The following OPCML variants were observed in gnomAD, a reference collection of about 807,000 sequenced individuals.
OPCML encodes the protein opioid-binding protein/cell adhesion molecule.
Under a neutral mutation model 37.8 loss-of-function variants are expected in OPCML, and 13 were observed. The ratio of observed to expected loss-of-function variants is 0.34; its 90% CI spans 0.22 to 0.55. The LOEUF (loss-of-function observed/expected upper bound fraction) is 0.55. Among genes scored for constraint, OPCML ranks in the 20% least tolerant of loss-of-function variants. The pLI, the probability that OPCML is intolerant of heterozygous loss-of-function variation, is 0.91. For missense variants in OPCML, 341 were observed against 435.6 expected (o/e 0.78, Z 1.93); for synonymous variants, 176 against 168.8 (o/e 1.04, Z -0.33).
chr11:132,566,432 C>T (rs1266208663), intron 3 of OPCML, among the ~76,000 whole-genome samples: 1 of 152,170 alleles, frequency 6.6e-6, no homozygotes, highest in East Asian at 1.9e-4. Context: ...CCCTGAATCA[C>T]CCCAACAGTA....
intron 2 of OPCML, among the ~76,000 whole-genome samples, chr11:132,715,503 C>T (rs1025238898): frequency 5.9e-5 from 9 of 152,100 alleles, no homozygotes; most frequent in African/African-American, 2.2e-4. Context: ...TTGTGTACCC[C>T]CTAAATTCAT....
intron 1 of OPCML, among the ~76,000 whole-genome samples, chr11:133,403,059 A>G (rs190421594): frequency 2.6e-4 from 40 of 152,304 alleles, no homozygotes; most frequent in Admixed American, 3.9e-4. Flanking sequence ...TCTAGGCTCT[A>G]TGAGGATAAG....
intron 1 of OPCML, among the ~76,000 whole-genome samples, chr11:133,389,220 C>G (rs1213250436): frequency 6.6e-6 from 1 of 152,148 alleles, no homozygotes; most frequent in Non-Finnish European, 1.5e-5. Flanking sequence ...ATCTTGTAAC[C>G]CATCTAAATC....
At chr11:132,737,404 A>G (rs1264001244) in intron 2 of OPCML, among the ~76,000 whole-genome samples, 2 of 152,188 alleles carry the variant, frequency 1.3e-5, no homozygotes, top group Non-Finnish European at 2.9e-5. Context: ...TTTTCGACAC[A>G]TCATATAGTC....
chr11:133,413,692 C>T (rs374316108), intron 1 of OPCML, among the ~76,000 whole-genome samples: 11 of 152,100 alleles, frequency 7.2e-5, no homozygotes, highest in African/African-American at 2.4e-4. Context: ...TCTCTTTGTC[C>T]TCCTTAACTC....
chr11:132,813,073 T>G (rs1939438372), intron 2 of OPCML, among the ~76,000 whole-genome samples: 1 of 152,230 alleles, frequency 6.6e-6, no homozygotes, highest in African/African-American at 2.4e-5. Context: ...AAATATTCCC[T>G]TTTGATTCAA....
At chr11:133,112,876 T>C (rs1212428266) in intron 1 of OPCML, among the ~76,000 whole-genome samples, 1 of 151,742 alleles carries the variant, frequency 6.6e-6, no homozygotes, top group African/African-American at 2.4e-5. Context: ...CCCCTACCCT[T>C]TGGAGGCTTT....
At chr11:133,490,840 C>T (rs1423984894) in intron 1 of OPCML, among the ~76,000 whole-genome samples, 1 of 152,188 alleles carries the variant, frequency 6.6e-6, no homozygotes, top group Non-Finnish European at 1.5e-5. Flanking sequence ...TTTAAAATGT[C>T]ATCTTCCTTC....
chr11:132,626,493 G>T (rs1421792117), intron 3 of OPCML, among the ~76,000 whole-genome samples: 1 of 152,084 alleles, frequency 6.6e-6, no homozygotes, highest in East Asian at 1.9e-4. Context: ...ACTAGATTTT[G>T]ATGTTAAAAA....
At chr11:132,589,117 T>A (rs1051980986) in intron 3 of OPCML, among the ~76,000 whole-genome samples, 2 of 152,182 alleles carry the variant, frequency 1.3e-5, no homozygotes, top group African/African-American at 4.8e-5. Context: ...TATGAAAATT[T>A]GGTACAAAGA....
Position 133,211,946 on chromosome 11 carries a change from A to T in OPCML, c.62-268936T>A, listed in dbSNP as rs1368467374. On this transcript the variant is annotated intron_variant, in intron 1 of 7. Transcript: ENST00000524381. The surrounding 1 kb of genome is among the most constrained non-coding windows in gnomAD (Gnocchi z 4.1). ...GTACAAATACCATAAGTTAGTGTAT[A>T]TACTCAAACAAAGCCATGAACGCTG... Among the ~76,000 whole-genome samples, 5 of 152,226 alleles carry T rather than the reference A, an allele frequency of 3.3e-5. No homozygotes were observed. The highest frequency in any genetic ancestry group is 1.2e-4 in the African/African-American group (5 of 41,466).
At chr11:133,085,222 G>C (rs1196359667) in intron 1 of OPCML, among the ~76,000 whole-genome samples, 1 of 152,166 alleles carries the variant, frequency 6.6e-6, no homozygotes, top group Non-Finnish European at 1.5e-5. Flanking sequence ...TGCCAGACAT[G>C]GGGCTCCACA....
At chr11:132,986,812 G>A (rs1200852963) in intron 1 of OPCML, among the ~76,000 whole-genome samples, 1 of 152,024 alleles carries the variant, frequency 6.6e-6, no homozygotes, top group Non-Finnish European at 1.5e-5. Context: ...ACTAAAATAG[G>A]AAGTTCCCTA....
At chr11:132,580,767 CA>C (rs2096460531) in intron 3 of OPCML, among the ~76,000 whole-genome samples, 1 of 152,178 alleles carries the variant, frequency 6.6e-6, no homozygotes, top group Non-Finnish European at 1.5e-5. Context: ...ACTCACTTCT[CA>C]GTGGCTTAAG....
chr11:132,444,005 G>A (rs896493120), intron 4 of OPCML, among the ~76,000 whole-genome samples: 1 of 152,248 alleles, frequency 6.6e-6, no homozygotes, highest in Non-Finnish European at 1.5e-5. Flanking sequence ...AGTGGGACTT[G>A]CACAGTAGAA....
At chr11:132,827,457 A>G (rs4937725) in intron 2 of OPCML, among the ~76,000 whole-genome samples, 55,256 of 151,878 alleles carry the variant, frequency 0.36, 11,237 homozygotes, top group Non-Finnish European at 0.47. Context: ...TTCATTGCTG[A>G]TGGGAATGCA....
chr11:132,773,798 G>C (rs973088836), intron 2 of OPCML, among the ~76,000 whole-genome samples: 10 of 151,936 alleles, frequency 6.6e-5, no homozygotes, highest in Non-Finnish European at 1.5e-4. Context: ...TAATTTTTAT[G>C]GCCTCTTTTT....
intron 4 of OPCML, among the ~76,000 whole-genome samples, chr11:132,510,583 C>G (rs879453619): frequency 6.6e-6 from 1 of 152,112 alleles, no homozygotes; most frequent in African/African-American, 2.4e-5. Flanking sequence ...GATATTAAGT[C>G]TCACAAGATC....
chr11:133,334,781 G>T (rs1474185677), intron 1 of OPCML, among the ~76,000 whole-genome samples: 1 of 152,170 alleles, frequency 6.6e-6, no homozygotes, highest in African/African-American at 2.4e-5. Context: ...ATAATCAATG[G>T]ACTTTGGTGA....
Sources: gnomAD v4.1 joint callset for allele counts (sites outside exome capture counted in the v4.1 genomes callset) on GRCh38, gnomAD v4.1.1 for gene constraint, Gnocchi (gnomAD v3.1) non-coding constraint, MANE v1.5 for transcripts, NCBI Gene and HGNC (gene_info 2026-07-23, HGNC 2026-07-21) for gene names.